DOCK10: variants seen among roughly 807,000 people sequenced by gnomAD.
The protein encoded by DOCK10 is dedicator of cytokinesis protein 10.
Under a neutral mutation model 280.1 loss-of-function variants are expected in DOCK10, and 145 were observed. The observed-to-expected ratio is 0.52, with a 90% confidence interval of 0.45 to 0.59. The LOEUF (loss-of-function observed/expected upper bound fraction) is 0.59. DOCK10 is among the 20% of genes least tolerant of loss of function. DOCK10 has a pLI of 0.00. For synonymous variants in DOCK10, 915 were observed against 942.2 expected, an observed-to-expected ratio of 0.97 and a Z score of 0.53; for missense variants, 2,368 against 2,651.7, an observed-to-expected ratio of 0.89 and a Z score of 2.35.
intron 1 of DOCK10, among the ~76,000 whole-genome samples, chr2:225,025,946 AAATT>A (rs757718884): frequency 3.9e-5 from 6 of 152,166 alleles, no homozygotes; most frequent in African/African-American, 1.2e-4. Context: ...ATTACAATAA[AAATT>A]AATTAAGGTA....
At chr2:224,953,269 A>C (rs1222587244) in intron 1 of DOCK10, among the ~76,000 whole-genome samples, 1 of 152,230 alleles carries the variant, frequency 6.6e-6, no homozygotes, top group Non-Finnish European at 1.5e-5. Context: ...CTTCTTCATT[A>C]TCGCAGAATG....
intron 1 of DOCK10, among the ~76,000 whole-genome samples, chr2:224,966,632 G>A (rs1389658534): frequency 6.6e-6 from 1 of 152,100 alleles, no homozygotes; most frequent in Non-Finnish European, 1.5e-5. Flanking sequence ...TGATCACACA[G>A]CCTTTAAACC....
chr2:224,903,366 A>G (rs1457560071), intron 3 of DOCK10, among the ~76,000 whole-genome samples: 1 of 152,222 alleles, frequency 6.6e-6, no homozygotes. Context: ...GGGCCAATCC[A>G]GGGGAAAATC....
chr2:224,809,286 A>G (rs1693609383), intron 31 of DOCK10, among the ~76,000 whole-genome samples: 1 of 152,204 alleles, frequency 6.6e-6, no homozygotes. Context: ...TGGCATTCAC[A>G]ATGATTTTAT....
At chr2:224,857,417 G>C (rs1204162598) in intron 14 of DOCK10, among the ~76,000 whole-genome samples, 1 of 152,176 alleles carries the variant, frequency 6.6e-6, no homozygotes, top group Non-Finnish European at 1.5e-5. Context: ...TTGTATATGT[G>C]AGTGTGGAAG....
At chr2:225,017,450 G>C (rs368425022) in intron 1 of DOCK10, among the ~76,000 whole-genome samples, 3 of 151,764 alleles carry the variant, frequency 2.0e-5, no homozygotes, top group Non-Finnish European at 2.9e-5. Flanking sequence ...GAGAGAGAGA[G>C]AGAGCAAGAG....
chr2:224,935,697 A>G (rs528453125), intron 1 of DOCK10, among the ~76,000 whole-genome samples: 64 of 152,296 alleles, frequency 4.2e-4, no homozygotes, highest in African/African-American at 1.4e-3. Context: ...TAAAATCCTC[A>G]TTATCCAAGT....
Position 224,765,763 on chromosome 2 carries a change from C to T in DOCK10, c.6519G>A (p.Pro2173=), listed in dbSNP as rs1221064456. ...TCTRVISKAT[P]ALPTVSISSS... ...ATGAGATGGAGACCGTGGGTAGGGC[C>T]GGAGTTGCTTTGCTAATTACTCGAG... Residue 2173 remains proline (P), a synonymous_variant, in exon 56 of 56, where the codon CCG becomes CCA. Coordinates refer to ENST00000258390, the MANE Select transcript of DOCK10 (RefSeq NM_014689.3). 22 of 1,613,718 alleles carry T rather than the reference C, an allele frequency of 1.4e-5. No homozygotes were observed. The highest frequency in any genetic ancestry group is 6.7e-5 in the East Asian group (3 of 44,892).
intron 1 of DOCK10, among the ~76,000 whole-genome samples, chr2:224,946,563 A>C (rs1185513077): frequency 6.6e-6 from 1 of 152,222 alleles, no homozygotes; most frequent in Admixed American, 6.5e-5. Flanking sequence ...AATTTGTACC[A>C]TAATACTAAG....
rs114341793 is a variant in DOCK10, at chr2:224,823,580, G to C, written c.3104C>G (p.Ser1035Cys). Reference protein sequence around the residue: ...NELDNLVMVLSDHVIWKYKDA... With the variant: ...NELDNLVMVLCDHVIWKYKDA... ...CTTGTATTTCCAAATCACATGGTCG[G>C]ATAGGACCATGACAAGATTGTCCAA... is the stretch of plus-strand genomic sequence containing the variant. The change falls in exon 28 of 56, where the codon TCC becomes TGC. Residue 1035 changes from serine (S) to cysteine (C), a missense_variant. Transcript: ENST00000258390. 7.1e-4 allele frequency: 1,147 copies of C among 1,607,930 alleles called. 10 individuals are homozygous for C. The African/African-American group carries it at 0.014, about 19-fold the overall frequency.
rs975483835 is a variant in DOCK10 at position 224,807,612 on chromosome 2, T to TA, written c.3702+55dup. 13 of 1,277,888 alleles carry TA rather than the reference T, an allele frequency of 1.0e-5. No homozygotes were observed. In the African/African-American group the frequency reaches 1.4e-4, roughly 13 times the overall value. The allele number at this position is 1,277,888 out of a possible 1,614,324, so 79.2% of individuals were successfully genotyped here. On this transcript the variant is annotated intron_variant, in intron 33 of 55. Coordinates refer to ENST00000258390, the MANE Select transcript of DOCK10 (RefSeq NM_014689.3). ...ATGGTTATCCAGGGCAAAAAATAAT[T>TA]AAAAAAAGACAAATTCTTTATTAAC...
In DOCK10 at chr2:225,042,297, G is replaced by C; in HGVS notation, c.78C>G (p.Ala26=). 7.4e-7 allele frequency: 1 copy of C among 1,348,170 alleles called. No homozygotes were observed. The highest frequency in any genetic ancestry group is 9.6e-7 in the Non-Finnish European group (1 of 1,046,978). 83.5% of individuals were successfully genotyped at this position (1,348,170 alleles called of 1,614,324 possible). The change falls in exon 1 of 56, where the codon GCC becomes GCG. Residue 26 remains alanine, a synonymous_variant. Coordinates refer to ENST00000258390, the MANE Select transcript of DOCK10 (RefSeq NM_014689.3). This position sits in a 1 kb window ranked among gnomAD's most constrained non-coding sequence, Gnocchi z 5.1. The part of the protein sequence containing the change: ...PGQAAELRHS[A]ASAAAVAVSS... ...TGACTGCCACCGCGGCGGCGGACGC[G>C]GCGCTGTGCCGGAGCTCGGCCGCCT...
intron 1 of DOCK10, among the ~76,000 whole-genome samples, chr2:224,975,657 T>C (rs1327138305): frequency 6.6e-6 from 1 of 152,218 alleles, no homozygotes; most frequent in Admixed American, 6.5e-5. Context: ...GTTTCCATAG[T>C]ATGTCCCTCT....
chr2:225,030,478 C>T (rs981761807), intron 1 of DOCK10, among the ~76,000 whole-genome samples: 15 of 152,274 alleles, frequency 9.9e-5, no homozygotes, highest in Admixed American at 9.8e-4. Context: ...AATCATTTTT[C>T]TGCACCCTGC....
At chr2:224,791,075 T>C (rs1281820572) in intron 47 of DOCK10, among the ~76,000 whole-genome samples, 4 of 152,226 alleles carry the variant, frequency 2.6e-5, no homozygotes, top group Non-Finnish European at 5.9e-5. Flanking sequence ...AGGTCTAACA[T>C]TGGGCATTTA....
rs529358027 is a variant in DOCK10 at position 224,774,403 on chromosome 2, G to A, written c.6013+502C>T. ...CAGAACAGTGCCCAGCCCCTAGCAG[G>A]GCCTCACTAAAAGTGTGTTGAGGAA... On this transcript the variant is annotated intron_variant, in intron 52 of 55. Transcript: ENST00000258390. Among the ~76,000 whole-genome samples the A allele has an allele frequency of 2.6e-5, 4 of 152,318 alleles. No individual in the cohort carries two copies. In the East Asian group the frequency reaches 7.7e-4, roughly 29 times the overall value.
At chr2:225,019,161 G>T (rs989211540) in intron 1 of DOCK10, among the ~76,000 whole-genome samples, 5 of 151,998 alleles carry the variant, frequency 3.3e-5, no homozygotes, top group African/African-American at 1.2e-4. Flanking sequence ...GGTCGCAGTG[G>T]AGACCAATCA....
intron 41 of DOCK10, among the ~76,000 whole-genome samples, chr2:224,799,616 C>T (rs772008577): frequency 6.6e-6 from 1 of 152,194 alleles, no homozygotes; most frequent in African/African-American, 2.4e-5. Flanking sequence ...CATGTTTTTA[C>T]CATTTCGCAT....
chr2:224,798,070 T>C (rs1395828123), intron 41 of DOCK10, 101 bp from the exon 42 acceptor site: 8 of 1,152,486 alleles, frequency 6.9e-6, no homozygotes, highest in African/African-American at 6.3e-5. Flanking sequence ...AGGCACTATT[T>C]TGAGTGCTAG....
Sources: gnomAD v4.1 joint callset for allele counts (sites outside exome capture counted in the v4.1 genomes callset) on GRCh38, gnomAD v4.1.1 for gene constraint, Gnocchi (gnomAD v3.1) non-coding constraint, MANE v1.5 for transcripts, NCBI Gene and HGNC (gene_info 2026-07-23, HGNC 2026-07-21) for gene names.